WTIP: variants seen among roughly 807,000 people sequenced by gnomAD.
WTIP encodes Wilms tumor protein 1-interacting protein.
Under a neutral mutation model 41.7 loss-of-function variants are expected in WTIP, and 23 were observed. The ratio of observed to expected loss-of-function variants is 0.55; its 90% CI spans 0.40 to 0.78. The LOEUF is 0.78. Among genes scored for constraint, WTIP ranks in the 30% least tolerant of loss-of-function variants. WTIP has a pLI of 0.00. For missense variants in WTIP, 619 were observed against 610.5 expected, an observed-to-expected ratio of 1.01 and a Z score of -0.15; for synonymous variants, 314 against 269.9, an observed-to-expected ratio of 1.16 and a Z score of -1.60.
At chr19:34,495,815 C>T (rs772781199) in intron 7 of WTIP, 44 bp downstream of exon 7, 2 of 1,595,716 alleles carry the variant, frequency 1.3e-6, no homozygotes, top group Admixed American at 1.7e-5. Context: ...GGCAGGCCTC[C>T]TCCCACAGGG....
At chr19:34,497,247 G>A (rs889157228) in intron 7 of WTIP, among the ~76,000 whole-genome samples, 1 of 152,118 alleles carries the variant, frequency 6.6e-6, no homozygotes, top group African/African-American at 2.4e-5. Flanking sequence ...GGGCTCCCCT[G>A]GGCAGCTGGA....
chr19:34,510,098 T>C lies in WTIP; in HGVS notation c.*9829T>C, dbSNP rs1471314371. On this transcript the variant is annotated 3_prime_UTR_variant, in exon 8 of 8. Coordinates refer to ENST00000590071, the MANE Select transcript of WTIP (RefSeq NM_001080436.2). ...TGATGTTTGGAGGATGGTGGCCTTC[T>C]TCTTACAGCTCTACTAGGCAGTACC... 2 of 152,240 alleles carry C rather than the reference T, an allele frequency of 1.3e-5. No homozygotes were observed. The highest frequency in any genetic ancestry group is 4.8e-5 in the African/African-American group (2 of 41,458). The allele number at this position is 152,240 out of a possible 1,614,324, so 9.4% of individuals were successfully genotyped here. A position where few individuals can be genotyped will look rare whatever the true frequency, so the allele number is the denominator to read the frequency against.
rs149420083 is a variant in WTIP, at chr19:34,500,650, TC to T, written c.*388del. The T allele has an allele frequency of 0.062, 10,680 of 173,070 alleles. 818 individuals are homozygous for T. The highest frequency in any genetic ancestry group is 0.19 in the African/African-American group (8,123 of 41,732). The allele number at this position is 173,070 out of a possible 1,614,324, so 10.7% of individuals were successfully genotyped here. A position where few individuals can be genotyped will look rare whatever the true frequency, so the allele number is the denominator to read the frequency against. On this transcript the variant is annotated 3_prime_UTR_variant, in exon 8 of 8. Transcript: ENST00000590071. ...TTGTTCAGGGGCCTGGCCCCCGCCC[TC>T]CCCCCCGACCCCGACCTCGCAAAGC...
At chr19:34,488,635 G>A (rs1426745515) in intron 1 of WTIP, among the ~76,000 whole-genome samples, 1 of 151,738 alleles carries the variant, frequency 6.6e-6, no homozygotes, top group Non-Finnish European at 1.5e-5. Flanking sequence ...CCAAAGTGCT[G>A]GGATTACAGG....
chr19:34,481,840 GC>G lies in WTIP; in HGVS notation c.-133del, dbSNP rs2075767406. ...GCCGCCGGAACGACCCCGGCCCGGC[GC>G]CGGCCCCGCCCCGCCCCGCGCCCAG... On this transcript the variant is annotated 5_prime_UTR_variant, in exon 1 of 8. Transcript: ENST00000590071. 1.2e-5 allele frequency: 4 copies of G among 346,378 alleles called. No individual in the cohort carries two copies. The highest frequency in any genetic ancestry group is 1.2e-5 in the Non-Finnish European group (3 of 248,274). 21.5% of individuals were successfully genotyped at this position (346,378 alleles called of 1,614,324 possible).
At position 34,482,545 on chromosome 19, in the gene WTIP, C is replaced by T. The variant is rs1019459883; in HGVS notation, c.571C>T (p.Arg191Trp). The T allele has an allele frequency of 2.0e-5, 25 of 1,228,810 alleles. No homozygotes were observed. The highest frequency in any genetic ancestry group is 2.4e-5 in the Non-Finnish European group (24 of 987,144). 76.1% of individuals were successfully genotyped at this position (1,228,810 alleles called of 1,614,324 possible). A position where few individuals can be genotyped will look rare whatever the true frequency, so the allele number is the denominator to read the frequency against. ...PLPALPLPPG[R>W]EGGPSAAERR... Reference sequence around the variant, plus strand: ...GCCTGCACTCCCGCTGCCCCCTGGCCGGGAGGGCGGCCCAAGCGCGGCCGA... The same window carrying T: ...GCCTGCACTCCCGCTGCCCCCTGGCTGGGAGGGCGGCCCAAGCGCGGCCGA... Residue 191 changes from arginine to tryptophan, a missense_variant, in exon 1 of 8, where the codon CGG becomes TGG. By Grantham distance (101) the Arg-to-Trp change is moderately radical. Coordinates refer to ENST00000590071, the MANE Select transcript of WTIP (RefSeq NM_001080436.2).
chr19:34,496,668 G>T (rs2075855517), intron 7 of WTIP, among the ~76,000 whole-genome samples: 3 of 151,708 alleles, frequency 2.0e-5, no homozygotes, highest in Admixed American at 6.6e-5. Context: ...GTCTGGATGT[G>T]GGGGGTTGGG....
intron 6 of WTIP, among the ~76,000 whole-genome samples, chr19:34,494,868 G>T (rs2075844865): frequency 6.6e-6 from 1 of 152,238 alleles, no homozygotes; most frequent in Non-Finnish European, 1.5e-5. Context: ...CTGCCCCACT[G>T]CCAGCCTCTG....
At chr19:34,490,794 C>T (rs944889438) in intron 2 of WTIP, among the ~76,000 whole-genome samples, 7 of 152,154 alleles carry the variant, frequency 4.6e-5, no homozygotes, top group South Asian at 4.1e-4. Flanking sequence ...TCTGGACATA[C>T]GACTAATATT....
rs774191195 is a variant in WTIP at position 34,495,608 on chromosome 19, C to T, written c.1084-95C>T. On this transcript the variant is annotated intron_variant, in intron 6 of 7. Transcript: ENST00000590071. ...CCCCGGGGCGGGCGTGCACCTCCGC[C>T]GGGACAGGAGCGTGGTGTGTGGGAG... is the stretch of plus-strand genomic sequence containing the variant. 4.7e-5 allele frequency: 68 copies of T among 1,445,694 alleles called. 1 individual carries two copies. Among genetic ancestry groups the T allele is most frequent in the Admixed American group, 2.2e-4 (12 of 54,384 alleles). The allele number at this position is 1,445,694 out of a possible 1,614,324, so 89.6% of individuals were successfully genotyped here. A position where few individuals can be genotyped will look rare whatever the true frequency, so the allele number is the denominator to read the frequency against.
At chr19:34,499,795 G>A (rs1395192126) in intron 7 of WTIP, among the ~76,000 whole-genome samples, 2 of 151,926 alleles carry the variant, frequency 1.3e-5, no homozygotes, top group African/African-American at 4.8e-5. Flanking sequence ...TGCCTCCCGG[G>A]TTTAAGTGAT....
rs767200857 is a variant in WTIP, at chr19:34,494,670, C to T, written c.1083+33C>T. 7 of 1,606,738 alleles carry T rather than the reference C, an allele frequency of 4.4e-6. No individual in the cohort carries two copies. In the Admixed American group the frequency reaches 8.5e-5, roughly 20 times the overall value. On this transcript the variant is annotated intron_variant, in intron 6 of 7. Coordinates refer to ENST00000590071, the MANE Select transcript of WTIP (RefSeq NM_001080436.2). The stretch of plus-strand genomic sequence containing the variant: ...CCACTCACCCAGAGATGATCAGGTG[C>T]CTGGCCCAGCCGGCTGCTGTCCTGT...
In WTIP at chr19:34,482,371, G is replaced by T; in HGVS notation, c.397G>T (p.Gly133Trp). The change falls in exon 1 of 8, where the codon GGG (glycine) becomes TGG (tryptophan). Residue 133 changes from glycine to tryptophan, a missense_variant. Gly to Trp is a radical substitution (Grantham distance 184). Transcript: ENST00000590071. ...SGRSDPRPGP[G>W]PPSVGSARSS... ...TCGCTCGGACCCGCGTCCCGGTCCC[G>T]GGCCGCCTTCGGTGGGCAGCGCCCG... The T allele has an allele frequency of 7.3e-7, 1 of 1,369,270 alleles. No individual in the cohort carries two copies. Among genetic ancestry groups the T allele is most frequent in the South Asian group, 1.5e-5 (1 of 67,824 alleles). The allele number at this position is 1,369,270 out of a possible 1,614,324, so 84.8% of individuals were successfully genotyped here.
Position 34,506,923 on chromosome 19 carries a change from ATAAT to A in WTIP, c.*6656_*6659del, listed in dbSNP as rs570849443. ...GGAGAAACTTTGCTCTTTTCATTTA[ATAAT>A]TGTGTTCAGCCTGGCCGGGCGCGGT... On this transcript the variant is annotated 3_prime_UTR_variant, in exon 8 of 8. Transcript: ENST00000590071. 1.3e-4 allele frequency: 20 copies of A among 151,288 alleles called. No homozygotes were observed. Among genetic ancestry groups the A allele is most frequent in the African/African-American group, 4.9e-4 (20 of 41,210 alleles). The allele number at this position is 151,288 out of a possible 1,614,324, so 9.4% of individuals were successfully genotyped here.
chr19:34,495,587 G>A (rs914208040), intron 6 of WTIP, 116 bp from the exon 7 acceptor site: 59 of 1,140,552 alleles, frequency 5.2e-5, no homozygotes, highest in African/African-American at 9.1e-5. Flanking sequence ...AGTGCTCCCC[G>A]GGGCGGGCGT....
rs765086598 is a variant in WTIP at position 34,495,738 on chromosome 19, C to T, written c.1119C>T (p.Asp373=). ...CAACCATCCGTGTGGTGTCCATGGA[C>T]AGAGACTACCACGTGGCATGTTACC... ...CETTIRVVSM[D]RDYHVACYHC... is the part of the protein sequence containing the mutation. The change falls in exon 7 of 8, where the codon GAC becomes GAT. Residue 373 remains aspartate, a synonymous_variant. Coordinates refer to ENST00000590071, the MANE Select transcript of WTIP (RefSeq NM_001080436.2). 16 of 1,613,830 alleles carry T rather than the reference C, an allele frequency of 9.9e-6. No individual in the cohort carries two copies. The highest frequency in any genetic ancestry group is 1.4e-5 in the Non-Finnish European group (16 of 1,179,988).
In WTIP at chr19:34,485,303, G is replaced by A. The variant is rs566321268; in HGVS notation, c.667+2662G>A. Among the ~76,000 whole-genome samples the A allele has an allele frequency of 1.4e-4, 22 of 152,174 alleles. No homozygotes were observed. The East Asian group carries it at 3.9e-3, about 27-fold the overall frequency. ...TCACCATGTTGGCCAGGCTTGTCTCGAGTTTCTGACCTCAGGTGATCCACC... is the reference window on the plus strand; with the variant it reads ...TCACCATGTTGGCCAGGCTTGTCTCAAGTTTCTGACCTCAGGTGATCCACC... On this transcript the variant is annotated intron_variant, in intron 1 of 7. Coordinates refer to ENST00000590071, the MANE Select transcript of WTIP (RefSeq NM_001080436.2).
At chr19:34,482,671 C>T (rs1340163792) in intron 1 of WTIP, 30 bp downstream of exon 1, 9 of 1,224,600 alleles carry the variant, frequency 7.3e-6, no homozygotes, top group Non-Finnish European at 9.2e-6. Flanking sequence ...CAGTTCCCTG[C>T]GCGCATGGCT....
chr19:34,495,599 C>A, intron 6 of WTIP, 104 bp from the exon 7 acceptor site: 3 of 1,344,482 alleles, frequency 2.2e-6, no homozygotes, highest in Non-Finnish European at 3.1e-6. Flanking sequence ...GGCGGGCGTG[C>A]ACCTCCGCCG....
Sources: gnomAD v4.1 joint callset for allele counts (sites outside exome capture counted in the v4.1 genomes callset) on GRCh38, gnomAD v4.1.1 for gene constraint, MANE v1.5 for transcripts, NCBI Gene and HGNC (gene_info 2026-07-23, HGNC 2026-07-21) for gene names.